The following ADCK1 variants were observed in gnomAD, a reference collection of about 807,000 sequenced individuals.
ADCK1 encodes the protein aarF domain containing kinase 1, also known as aarF domain-containing protein kinase 1.
A neutral mutation model predicts 52.3 loss-of-function variants in ADCK1; 41 were observed. The observed-to-expected ratio is 0.78, with a 90% CI of 0.61 to 1.02. ADCK1 has a LOEUF of 1.02. ADCK1 is among the 50% of genes least tolerant of loss of function. The pLI is 0.00. For missense variants in ADCK1, 658 were observed against 679.5 expected, an observed-to-expected ratio of 0.97 and a Z score of 0.35; for synonymous variants, 250 against 274.6, an observed-to-expected ratio of 0.91 and a Z score of 0.89.
intron 7 of ADCK1, among the ~76,000 whole-genome samples, chr14:77,915,218 A>G (rs2083890602): frequency 6.6e-6 from 1 of 151,434 alleles, no homozygotes; most frequent in Admixed American, 6.6e-5. Flanking sequence ...GTTTTAGGGT[A>G]CATGTGCACA....
At chr14:77,840,410 C>T (rs1349293051) in intron 3 of ADCK1, among the ~76,000 whole-genome samples, 105 of 152,046 alleles carry the variant, frequency 6.9e-4, no homozygotes, top group Non-Finnish European at 2.2e-4. Flanking sequence ...TCTTCAAAGC[C>T]TGTGACATCT....
intron 1 of ADCK1, among the ~76,000 whole-genome samples, chr14:77,810,585 C>T (rs1454359148): frequency 6.7e-6 from 1 of 148,238 alleles, no homozygotes; most frequent in Non-Finnish European, 1.5e-5. Flanking sequence ...GGCTGGAGTG[C>T]AGTGGCACGA....
intron 4 of ADCK1, among the ~76,000 whole-genome samples, chr14:77,870,525 CA>C: frequency 6.6e-6 from 1 of 152,226 alleles, no homozygotes; most frequent in Non-Finnish European, 1.5e-5. Flanking sequence ...TGGAGGGAGC[CA>C]AAGGAGGGGC....
intron 1 of ADCK1, among the ~76,000 whole-genome samples, chr14:77,804,906 T>C (rs867096407): frequency 1.9e-4 from 29 of 152,084 alleles, no homozygotes; most frequent in African/African-American, 7.0e-4. Context: ...GTCAGAGATG[T>C]TATAGAATGC....
chr14:77,851,310 G>A (rs1398355956), intron 3 of ADCK1, among the ~76,000 whole-genome samples: 2 of 151,980 alleles, frequency 1.3e-5, no homozygotes, highest in Non-Finnish European at 2.9e-5. Context: ...TAGAGACAGG[G>A]TTTCACCATA....
intron 3 of ADCK1, among the ~76,000 whole-genome samples, chr14:77,846,391 C>A (rs2082174194): frequency 6.6e-6 from 1 of 152,166 alleles, no homozygotes; most frequent in Admixed American, 6.5e-5. Flanking sequence ...CTTTGGGTGA[C>A]CCTGAGGGGG....
chr14:77,896,913 C>T (rs1033799850), intron 5 of ADCK1, among the ~76,000 whole-genome samples: 5 of 152,182 alleles, frequency 3.3e-5, no homozygotes, highest in African/African-American at 7.2e-5. Context: ...TTTGGAATGG[C>T]GTCTGGTACA....
At chr14:77,890,366 G>C (rs1050548773) in intron 5 of ADCK1, among the ~76,000 whole-genome samples, 3 of 152,170 alleles carry the variant, frequency 2.0e-5, no homozygotes, top group Non-Finnish European at 4.4e-5. Context: ...CTTCCTCACA[G>C]CATGGCGGCT....
intron 5 of ADCK1, among the ~76,000 whole-genome samples, chr14:77,889,496 T>A (rs2083234055): frequency 6.6e-6 from 1 of 152,192 alleles, no homozygotes; most frequent in Non-Finnish European, 1.5e-5. Flanking sequence ...TAACTTGCTC[T>A]ATGTTACTCC....
intron 3 of ADCK1, among the ~76,000 whole-genome samples, chr14:77,823,334 G>A (rs2081620944): frequency 6.6e-6 from 1 of 152,110 alleles, no homozygotes; most frequent in Non-Finnish European, 1.5e-5. Flanking sequence ...AAAAGTCCTC[G>A]TCATCCTTCT....
chr14:77,916,446 CTCT>C (rs2140277218), intron 7 of ADCK1, among the ~76,000 whole-genome samples: 2 of 152,146 alleles, frequency 1.3e-5, no homozygotes, highest in South Asian at 4.2e-4. Context: ...TACTCAGCAT[CTCT>C]TCTTTCTATT....
chr14:77,813,972 T>C lies in ADCK1; in HGVS notation c.-11-4996T>C, dbSNP rs189659472. ...TAGTAGAGACAGGGTTTTGCCATGT[T>C]GGCAAGGCTGGTCTCAAACTCCTGA... is the stretch of plus-strand genomic sequence containing the variant. On this transcript the variant is annotated intron_variant, in intron 1 of 10. Coordinates refer to ENST00000238561, the MANE Select transcript of ADCK1 (RefSeq NM_020421.4). Among the ~76,000 whole-genome samples the C allele has an allele frequency of 6.0e-4, 92 of 152,176 alleles. 4 individuals are homozygous for C. The East Asian group carries it at 0.016, about 26-fold the overall frequency.
chr14:77,893,940 G>A (rs1004558299), intron 5 of ADCK1, among the ~76,000 whole-genome samples: 1 of 151,948 alleles, frequency 6.6e-6, no homozygotes, highest in Admixed American at 6.6e-5. Flanking sequence ...TGCCTTGTTG[G>A]CCAGGCTGGT....
chr14:77,853,874 C>A (rs1200711493), intron 3 of ADCK1, among the ~76,000 whole-genome samples: 2 of 152,146 alleles, frequency 1.3e-5, no homozygotes, highest in African/African-American at 4.8e-5. Context: ...TCAGCTGTAT[C>A]TCCTCAATTG....
chr14:77,819,435 A>C (rs1037980364), intron 2 of ADCK1, among the ~76,000 whole-genome samples: 1 of 152,138 alleles, frequency 6.6e-6, no homozygotes, highest in Non-Finnish European at 1.5e-5. Flanking sequence ...TTAACAACAC[A>C]CCAAGAGGGG....
chr14:77,810,860 A>G (rs962420370), intron 1 of ADCK1, among the ~76,000 whole-genome samples: 1 of 152,098 alleles, frequency 6.6e-6, no homozygotes, highest in African/African-American at 2.4e-5. Flanking sequence ...CGGTCTCTTC[A>G]TACTGCCTTC....
chr14:77,872,083 A>T (rs1001273849), intron 4 of ADCK1, among the ~76,000 whole-genome samples: 1 of 152,216 alleles, frequency 6.6e-6, no homozygotes, highest in African/African-American at 2.4e-5. Flanking sequence ...GAAACCTCGC[A>T]GGTCAAGGAA....
intron 7 of ADCK1, chr14:77,924,181 C>T (rs112334604): frequency 5.5e-4 from 206 of 373,962 alleles, no homozygotes; most frequent in South Asian, 8.5e-4. Flanking sequence ...GTGCAGTTCT[C>T]CTACCTAATC....
chr14:77,825,674 T>C (rs1431228708), intron 3 of ADCK1, among the ~76,000 whole-genome samples: 9 of 148,400 alleles, frequency 6.1e-5, no homozygotes, highest in Non-Finnish European at 1.2e-4. Flanking sequence ...GAGTTTTTGC[T>C]CTTGTCACCC....
Sources: gnomAD v4.1 joint callset for allele counts (sites outside exome capture counted in the v4.1 genomes callset) on GRCh38, gnomAD v4.1.1 for gene constraint, MANE v1.5 for transcripts, NCBI Gene and HGNC (gene_info 2026-07-23, HGNC 2026-07-21) for gene names.